Variants in USP54 observed in about 807,000 individuals in gnomAD.
USP54 encodes ubiquitin specific peptidase 54.
A neutral mutation model predicts 170.5 loss-of-function variants in USP54; 87 were observed. The ratio of observed to expected loss-of-function variants is 0.51; its 90% CI spans 0.43 to 0.61. The LOEUF (loss-of-function observed/expected upper bound fraction) is 0.61, where lower values mean the gene tolerates loss of function less well. USP54 is among the 20% of genes least tolerant of loss of function. The pLI is 0.00. For missense variants in USP54, 1,786 were observed against 2,047.8 expected (o/e 0.87, Z 2.47); for synonymous variants, 655 against 742.8 (o/e 0.88, Z 1.92).
Position 73,504,880 on chromosome 10 carries a change from CCT to C in USP54, c.4279_4280del (p.Arg1427GlyfsTer11), listed in dbSNP as rs776067684. Reference sequence around the variant, plus strand: ...TGTGGGAAGAAACCGGAGCTTCCTCCCTCTCTGAGACAACGGTGCCACTGAGA... The same window carrying C: ...TGTGGGAAGAAACCGGAGCTTCCTCCCTCTGAGACAACGGTGCCACTGAGA... ...RSLSGTVVSE[R>X]EEAPVSSHSF... On this transcript the variant is annotated frameshift_variant, in exon 22 of 24. Coordinates refer to ENST00000687698, the MANE Select transcript of USP54 (RefSeq NM_001391956.1). LOFTEE classifies it high-confidence loss of function. The C allele has an allele frequency of 1.1e-5, 18 of 1,614,118 alleles. No individual in the cohort carries two copies. Among genetic ancestry groups the C allele is most frequent in the Non-Finnish European group, 1.4e-5 (17 of 1,180,026 alleles).
chr10:73,569,214 T>C (rs1488120814), intron 4 of USP54, among the ~76,000 whole-genome samples: 1 of 151,870 alleles, frequency 6.6e-6, no homozygotes, highest in African/African-American at 2.4e-5. Context: ...TGACTTTTTT[T>C]GTTGTTGTTT....
intron 4 of USP54, among the ~76,000 whole-genome samples, chr10:73,569,902 CAAAAAAAAAAAAAAAAAAAAAAAAA>C (rs34676499): frequency 1.4e-3 from 26 of 18,716 alleles, no homozygotes; most frequent in South Asian, 1.7e-3. Context: ...ATTTCATCTC[CAAAAAAAAAAAAAAAAAAAAAAAAA>C]AAAAAAAAAA....
chr10:73,552,478 C>CAA (rs923618564), intron 4 of USP54, among the ~76,000 whole-genome samples: 3 of 151,570 alleles, frequency 2.0e-5, no homozygotes, highest in African/African-American at 7.3e-5. Flanking sequence ...CACACACACA[C>CAA]ACACACACAT....
intron 1 of USP54, among the ~76,000 whole-genome samples, chr10:73,602,034 TG>T (rs1349122205): frequency 6.6e-6 from 1 of 152,188 alleles, no homozygotes; most frequent in African/African-American, 2.4e-5. Context: ...GAACCAACAA[TG>T]TAGCACCTCA....
chr10:73,605,095 G>A (rs998460462), intron 1 of USP54, among the ~76,000 whole-genome samples: 10 of 152,120 alleles, frequency 6.6e-5, no homozygotes, highest in African/African-American at 2.4e-4. Flanking sequence ...CCTTTAGCTA[G>A]ACACAGAGCA....
rs948265968 is a variant in USP54 at position 73,497,730 on chromosome 10, T to C, written c.*899A>G. ...CATCTGTTCAAAAGGGTGAATGTTA[T>C]GTTGGCAGCTCCGCATTCTAGGCCT... On this transcript the variant is annotated 3_prime_UTR_variant, in exon 24 of 24. Coordinates refer to ENST00000687698, the MANE Select transcript of USP54 (RefSeq NM_001391956.1). The C allele has an allele frequency of 6.6e-6, 1 of 152,286 alleles. No homozygotes were observed. The highest frequency in any genetic ancestry group is 1.5e-5 in the Non-Finnish European group (1 of 68,062). 9.4% of individuals were successfully genotyped at this position (152,286 alleles called of 1,614,324 possible). A position where few individuals can be genotyped will look rare whatever the true frequency, so the allele number is the denominator to read the frequency against.
At chr10:73,587,195 CG>C (rs2077592474) in intron 1 of USP54, among the ~76,000 whole-genome samples, 1 of 151,994 alleles carries the variant, frequency 6.6e-6, no homozygotes, top group Admixed American at 6.6e-5. Context: ...CTCTGCAGGC[CG>C]GGTGCAGTGG....
At chr10:73,612,871 T>C (rs943089228) in intron 1 of USP54, among the ~76,000 whole-genome samples, 1 of 149,042 alleles carries the variant, frequency 6.7e-6, no homozygotes, top group Non-Finnish European at 1.5e-5. Flanking sequence ...AAAGAATATA[T>C]TTGGCTGGGC....
upstream of USP54, among the ~76,000 whole-genome samples, chr10:73,593,376 C>CAA (rs772703814): frequency 0.074 from 4,427 of 60,162 alleles, 308 homozygotes; most frequent in African/African-American, 0.23. Context: ...GACCCTGTCT[C>CAA]AAAAAAAAAA....
chr10:73,597,661 T>C (rs2078837613), intron 1 of USP54, among the ~76,000 whole-genome samples: 1 of 152,202 alleles, frequency 6.6e-6, no homozygotes, highest in African/African-American at 2.4e-5. Flanking sequence ...TAAACTCTGG[T>C]CTCCTGTGCG....
upstream of USP54, among the ~76,000 whole-genome samples, chr10:73,595,316 T>C (rs890098162): frequency 6.6e-6 from 1 of 152,290 alleles, no homozygotes; most frequent in African/African-American, 2.4e-5. Flanking sequence ...CAATCAGAGG[T>C]GACTCTAGTT....
At chr10:73,598,335 T>G (rs2078893418) in intron 1 of USP54, among the ~76,000 whole-genome samples, 1 of 152,172 alleles carries the variant, frequency 6.6e-6, no homozygotes, top group South Asian at 2.1e-4. Context: ...AAAAATTAAT[T>G]CAAAATGGAT....
intron 4 of USP54, among the ~76,000 whole-genome samples, chr10:73,554,793 T>C (rs2070537107): frequency 1.3e-5 from 2 of 152,224 alleles, no homozygotes; most frequent in South Asian, 4.1e-4. Context: ...TATTTCAAAA[T>C]ATATCTCTAA....
chr10:73,557,076 T>A (rs1401172859), intron 4 of USP54, among the ~76,000 whole-genome samples: 1 of 152,110 alleles, frequency 6.6e-6, no homozygotes, highest in African/African-American at 2.4e-5. Context: ...AACAAAATCT[T>A]TGTGGCACAC....
chr10:73,530,052 C>A lies in USP54; in HGVS notation c.1828+91G>T, dbSNP rs989675281. 5 of 1,517,030 alleles carry A rather than the reference C, an allele frequency of 3.3e-6. No individual in the cohort carries two copies. In the South Asian group the frequency reaches 4.0e-5, roughly 12 times the overall value. 94.0% of individuals were successfully genotyped at this position (1,517,030 alleles called of 1,614,324 possible). ...ACACCCGACATCAGAGTAAAAGTGC[C>A]CCTTGCCAGATGTACCAAAAAACCC... On this transcript the variant is annotated intron_variant, in intron 14 of 23. Transcript: ENST00000687698.
intron 4 of USP54, among the ~76,000 whole-genome samples, chr10:73,569,922 A>C (rs1180699662): frequency 3.7e-5 from 5 of 133,514 alleles, no homozygotes; most frequent in African/African-American, 1.3e-4. Context: ...AAAAAAAAAA[A>C]AAAAAAAAAA....
Position 73,530,145 on chromosome 10 carries a change from G to A in USP54, c.1826C>T (p.Ser609Leu). 1 of 1,608,188 alleles carries A rather than the reference G, an allele frequency of 6.2e-7. No individual in the cohort carries two copies. Among genetic ancestry groups the A allele is most frequent in the Non-Finnish European group, 8.5e-7 (1 of 1,177,244 alleles). ...TTCTTCCCTAATTATCTCCTCACCTGAATCCTCAGAAAAGGGGCTAAGCTG... is the reference window on the plus strand; with the variant it reads ...TTCTTCCCTAATTATCTCCTCACCTAAATCCTCAGAAAAGGGGCTAAGCTG... Reference protein sequence around the residue: ...YTQLSPFSEDSAKEFIPDEPS... With the variant: ...YTQLSPFSEDLAKEFIPDEPS... The change falls in exon 14 of 24, where the codon TCA (serine) becomes TTA (leucine). Residue 609 changes from serine (S) to leucine (L), a missense_variant and splice_region_variant. Physicochemically the swap from Ser to Leu is moderately radical, Grantham distance 145 (BLOSUM62 -2). Transcript: ENST00000687698.
rs567866085 is a variant in USP54 at position 73,555,740 on chromosome 10, C to T, written c.241-10068G>A. 2.4e-4 allele frequency among the ~76,000 whole-genome samples: 36 copies of T among 152,258 alleles called. No individual in the cohort carries two copies. The South Asian group carries it at 6.0e-3, about 25-fold the overall frequency. On this transcript the variant is annotated intron_variant, in intron 4 of 23. Coordinates refer to ENST00000687698, the MANE Select transcript of USP54 (RefSeq NM_001391956.1). The stretch of plus-strand genomic sequence containing the variant: ...TGAGAATACATAACCACTTACCCCA[C>T]AGGAAAAACTGAAAGGGGACACCCT...
At chr10:73,566,963 G>A (rs570005991) in intron 4 of USP54, among the ~76,000 whole-genome samples, 24 of 151,926 alleles carry the variant, frequency 1.6e-4, no homozygotes, top group African/African-American at 4.1e-4. Flanking sequence ...TGCAACCTCC[G>A]CTTCCCGGGT....
Sources: gnomAD v4.1 joint callset for allele counts (sites outside exome capture counted in the v4.1 genomes callset) on GRCh38, gnomAD v4.1.1 for gene constraint, MANE v1.5 for transcripts, NCBI Gene and HGNC (gene_info 2026-07-23, HGNC 2026-07-21) for gene names.